NDEL1: variants seen among roughly 807,000 people sequenced by gnomAD.
NDEL1 encodes the protein nuclear distribution protein nudE-like 1.
NDEL1 carries 9 observed loss-of-function variants against 45.7 expected under a neutral mutation model. The ratio of observed to expected loss-of-function variants is 0.20; its 90% CI spans 0.12 to 0.34. The LOEUF is 0.34. NDEL1 is among the 10% of genes least tolerant of loss of function. The probability of loss-of-function intolerance (pLI) is 1.00; values close to 1 mark genes in which losing one functional copy is unlikely to be tolerated. For synonymous variants in NDEL1, 133 were observed against 158.6 expected (o/e 0.84, Z 1.21); for missense variants, 306 against 406.2 (o/e 0.75, Z 2.12).
downstream of NDEL1, among the ~76,000 whole-genome samples, chr17:8,470,352 C>T (rs1379453193): frequency 6.6e-6 from 1 of 152,110 alleles, no homozygotes; most frequent in Non-Finnish European, 1.5e-5. The surrounding 1 kb of genome is among the most constrained non-coding windows in gnomAD (Gnocchi z 4.2). Flanking sequence ...GGCTGATCTC[C>T]CGGGTGGTGG....
intron 3 of NDEL1, 91 bp from the exon 4 acceptor site, chr17:8,446,663 G>A: frequency 8.1e-7 from 1 of 1,228,672 alleles, no homozygotes; most frequent in Admixed American, 2.9e-5. Flanking sequence ...AAATTCCTTG[G>A]GTTCCCCCCC....
At chr17:8,426,295 T>G (rs1295443872) in intron 1 of NDEL1, among the ~76,000 whole-genome samples, 1 of 152,248 alleles carries the variant, frequency 6.6e-6, no homozygotes, top group Non-Finnish European at 1.5e-5. Context: ...TTGGCTTACC[T>G]GGTAATGGGA....
At chr17:8,424,263 A>T (rs1462337724) in intron 1 of NDEL1, among the ~76,000 whole-genome samples, 1 of 152,166 alleles carries the variant, frequency 6.6e-6, no homozygotes, top group Admixed American at 6.5e-5. Flanking sequence ...TTCCTTATTA[A>T]TATTCTTCTG....
intron 1 of NDEL1, among the ~76,000 whole-genome samples, chr17:8,417,207 C>T (rs889406463): frequency 2.6e-5 from 4 of 152,022 alleles, no homozygotes; most frequent in Admixed American, 2.6e-4. Context: ...ACCTCTGCCT[C>T]CCATGTCGAA....
At chr17:8,472,710 C>T (rs1192641517), downstream of NDEL1, among the ~76,000 whole-genome samples, 1 of 148,928 alleles carries the variant, frequency 6.7e-6, no homozygotes, top group Non-Finnish European at 1.5e-5. Flanking sequence ...TAAAAATAGT[C>T]CACTGGAATG....
At chr17:8,447,492 A>G (rs1910158686) in intron 4 of NDEL1, among the ~76,000 whole-genome samples, 1 of 152,146 alleles carries the variant, frequency 6.6e-6, no homozygotes, top group South Asian at 2.1e-4. Context: ...GCATTCCCCC[A>G]TCTTCCCTCT....
upstream of NDEL1, chr17:8,432,127 T>C (rs1189393207): frequency 6.6e-6 from 1 of 151,554 alleles, no homozygotes; most frequent in Non-Finnish European, 1.5e-5. Context: ...TCTCCCAAAG[T>C]GCTGAGATTA....
At chr17:8,423,817 C>T (rs1448318135) in intron 1 of NDEL1, among the ~76,000 whole-genome samples, 1 of 152,102 alleles carries the variant, frequency 6.6e-6, no homozygotes. Flanking sequence ...AATTGGGAGC[C>T]CTTCCTTTGA....
rs188043591 is a variant in NDEL1, at chr17:8,437,326, A to G, written c.-13+1281A>G. Among the ~76,000 whole-genome samples the G allele has an allele frequency of 3.3e-5, 5 of 152,338 alleles. No individual in the cohort carries two copies. The East Asian group carries it at 7.7e-4, about 23-fold the overall frequency. On this transcript the variant is annotated intron_variant, in intron 1 of 8. Transcript: ENST00000334527. The stretch of plus-strand genomic sequence containing the variant: ...GACTTGATCCAGATAGAAGTTGCTA[A>G]ATCTTCTGAAGCTGTAGTTCTTTTG...
At chr17:8,418,425 G>C (rs1168703670) in intron 1 of NDEL1, among the ~76,000 whole-genome samples, 1 of 152,160 alleles carries the variant, frequency 6.6e-6, no homozygotes, top group African/African-American at 2.4e-5. Context: ...TAAGCAAAAA[G>C]CAAGGAGATA....
chr17:8,472,587 C>T (rs1037057416), downstream of NDEL1, among the ~76,000 whole-genome samples: 7 of 152,136 alleles, frequency 4.6e-5, no homozygotes, highest in African/African-American at 1.7e-4. Context: ...TGGCTTGAAC[C>T]CGGAGGTGGA....
Position 8,466,934 on chromosome 17 carries a change from G to T in NDEL1, c.949G>T (p.Val317Leu). 6.2e-7 allele frequency: 1 copy of T among 1,614,230 alleles called. No homozygotes were observed. Residue 317 changes from valine to leucine, a missense_variant, in exon 9 of 9, where the codon GTA (valine) becomes TTA (leucine). Physicochemically the swap from Val to Leu is conservative, Grantham distance 32. Coordinates refer to ENST00000334527, the MANE Select transcript of NDEL1 (RefSeq NM_030808.5). The stretch of plus-strand genomic sequence containing the variant: ...GTGCTCTGGTTGCTCCCACAGGGCA[G>T]TAAACGGCTTTGACCCCGCTCCTCC... ...GHTSFFDKGAVNGFDPAPPPP... is the reference protein window; with the variant it reads ...GHTSFFDKGALNGFDPAPPPP...
downstream of NDEL1, among the ~76,000 whole-genome samples, chr17:8,470,324 G>A (rs921775420): frequency 4.6e-5 from 7 of 152,066 alleles, no homozygotes; most frequent in African/African-American, 1.7e-4. The surrounding 1 kb of genome is among the most constrained non-coding windows in gnomAD (Gnocchi z 4.2). Context: ...TCTGTGTGCC[G>A]TTCCTCCCTG....
chr17:8,463,090 C>T, intron 8 of NDEL1: 1 of 387,602 alleles, frequency 2.6e-6, no homozygotes, highest in Non-Finnish European at 4.7e-6. Flanking sequence ...TTTGTCTCAC[C>T]ATCTGAAAGG....
At chr17:8,460,847 T>A (rs1212957797) in intron 8 of NDEL1, among the ~76,000 whole-genome samples, 1 of 152,246 alleles carries the variant, frequency 6.6e-6, no homozygotes, top group African/African-American at 2.4e-5. Context: ...GGGATTATAC[T>A]TTAAATATTG....
At chr17:8,466,453 C>CTT in intron 8 of NDEL1, 1 of 155,790 alleles carries the variant, frequency 6.4e-6, no homozygotes, top group Non-Finnish European at 1.4e-5. Context: ...ATACTATTTG[C>CTT]TTTTTTTTCT....
At chr17:8,435,207 C>T (rs1400293242), upstream of NDEL1, among the ~76,000 whole-genome samples, 1 of 152,078 alleles carries the variant, frequency 6.6e-6, no homozygotes, top group African/African-American at 2.4e-5. Flanking sequence ...CGCATGTATA[C>T]AAAAATGAAT....
At chr17:8,421,422 A>T (rs1459274309) in intron 1 of NDEL1, among the ~76,000 whole-genome samples, 1 of 152,204 alleles carries the variant, frequency 6.6e-6, no homozygotes, top group African/African-American at 2.4e-5. Flanking sequence ...AGGGAGGCTT[A>T]TCAAAGTCAG....
At chr17:8,463,864 C>T (rs934221057) in intron 8 of NDEL1, among the ~76,000 whole-genome samples, 1 of 152,242 alleles carries the variant, frequency 6.6e-6, no homozygotes, top group Non-Finnish European at 1.5e-5. Flanking sequence ...TTCAGAACTG[C>T]TTTGCAGTTT....
Sources: allele counts gnomAD v4.1 joint callset (sites outside exome capture counted in the v4.1 genomes callset), GRCh38; gene constraint gnomAD v4.1.1; non-coding constraint Gnocchi (gnomAD v3.1); transcripts MANE v1.5; gene names NCBI Gene and HGNC (gene_info 2026-07-23, HGNC 2026-07-21).